Variants in STPG2 observed in about 807,000 individuals in gnomAD.
The protein encoded by STPG2 is sperm tail PG-rich repeat containing 2, also known as sperm-tail PG-rich repeat-containing protein 2.
In STPG2, 56 loss-of-function variants were observed where a neutral mutation model predicts 54.2. The observed-to-expected ratio is 1.03, with a 90% CI of 0.83 to 1.29. The LOEUF (loss-of-function observed/expected upper bound fraction) is 1.29, where lower values mean the gene tolerates loss of function less well. Ranked by LOEUF, STPG2 falls within the 50% of genes most tolerant of loss-of-function variation. The pLI is 0.00. For missense variants in STPG2, 596 were observed against 544.9 expected, an observed-to-expected ratio of 1.09 and a Z score of -0.93; for synonymous variants, 200 against 181.8, an observed-to-expected ratio of 1.10 and a Z score of -0.81.
chr4:97,992,238 G>C lies in STPG2; in HGVS notation c.613-10920C>G, dbSNP rs7658895. Among the ~76,000 whole-genome samples the C allele has an allele frequency of 1.3e-3, 199 of 152,222 alleles. 1 individual carries two copies. The highest frequency in any genetic ancestry group is 4.6e-3 in the African/African-American group (192 of 41,560). On this transcript the variant is annotated intron_variant, in intron 5 of 10. Transcript: ENST00000295268. ...AGAATTTTTAGGGTTTCAAGTATTAGATTTAAGTCTTTGATGAATCTTGAG... is the reference window on the plus strand; with the variant it reads ...AGAATTTTTAGGGTTTCAAGTATTACATTTAAGTCTTTGATGAATCTTGAG...
intron 8 of STPG2, among the ~76,000 whole-genome samples, chr4:97,908,695 A>G (rs1490638960): frequency 2.0e-5 from 3 of 151,904 alleles, no homozygotes; most frequent in Non-Finnish European, 4.4e-5. Context: ...ATAAAAAATG[A>G]TGAGTACATG....
chr4:97,486,860 A>AC (rs1730376987), intron 4 of STPG2, among the ~76,000 whole-genome samples: 6 of 125,620 alleles, frequency 4.8e-5, no homozygotes, highest in African/African-American at 1.8e-4. Flanking sequence ...TATGTATACA[A>AC]ACACACACAC....
intron 8 of STPG2, among the ~76,000 whole-genome samples, chr4:97,913,290 T>C (rs1338879314): frequency 6.6e-6 from 1 of 152,206 alleles, no homozygotes; most frequent in African/African-American, 2.4e-5. Context: ...AACCGGTATC[T>C]GCCTAATCCA....
chr4:98,115,959 C>T (rs62318906), intron 3 of STPG2, among the ~76,000 whole-genome samples: 59,743 of 151,436 alleles, frequency 0.39, 11,979 homozygotes, highest in Middle Eastern at 0.46. Context: ...TTAACTGATA[C>T]AGAAAACTAC....
intron 9 of STPG2, among the ~76,000 whole-genome samples, chr4:97,737,662 A>G (rs1725058066): frequency 6.6e-6 from 1 of 152,186 alleles, no homozygotes; most frequent in South Asian, 2.1e-4. Context: ...GCTTAGAGAA[A>G]AAAAAATAAA....
chr4:97,695,544 A>G (rs1723541453), intron 10 of STPG2, among the ~76,000 whole-genome samples: 1 of 152,196 alleles, frequency 6.6e-6, no homozygotes, highest in Non-Finnish European at 1.5e-5. Context: ...ATTGGTAAAG[A>G]GGAAGTCAAA....
intron 10 of STPG2, among the ~76,000 whole-genome samples, chr4:97,570,528 ACTCTAG>A (rs1328066612): frequency 6.6e-6 from 1 of 151,316 alleles, no homozygotes; most frequent in African/African-American, 2.4e-5. Context: ...ATCCTGGCCC[ACTCTAG>A]GTATTCTAGA....
chr4:97,491,898 A>C (rs2148827579), intron 4 of STPG2, among the ~76,000 whole-genome samples: 1 of 151,638 alleles, frequency 6.6e-6, no homozygotes, highest in East Asian at 2.0e-4. Context: ...TCAATGGGGC[A>C]ATGATAATGA....
intron 5 of STPG2, among the ~76,000 whole-genome samples, chr4:98,043,977 T>C (rs1019331707): frequency 2.0e-5 from 3 of 152,066 alleles, no homozygotes; most frequent in African/African-American, 7.2e-5. Context: ...TTTGTGTTCA[T>C]GAGTTCTCAT....
At chr4:97,562,516 T>A (rs1029300887) in intron 10 of STPG2, among the ~76,000 whole-genome samples, 7 of 152,204 alleles carry the variant, frequency 4.6e-5, no homozygotes, top group Non-Finnish European at 8.8e-5. Context: ...CCCTGTCTTG[T>A]GCCAGTTTTC....
At chr4:98,091,212 T>C (rs766547549) in intron 5 of STPG2, among the ~76,000 whole-genome samples, 1 of 152,074 alleles carries the variant, frequency 6.6e-6, no homozygotes, top group East Asian at 1.9e-4. Context: ...AGGCATTCAC[T>C]ATGTGAACCA....
chr4:97,527,049 T>C (rs1578363035), intron 4 of STPG2, among the ~76,000 whole-genome samples: 1 of 151,994 alleles, frequency 6.6e-6, no homozygotes, highest in African/African-American at 2.4e-5. Context: ...GTGCAGAACG[T>C]GCAGCTTTGT....
At chr4:98,071,612 T>A (rs1161346965) in intron 5 of STPG2, among the ~76,000 whole-genome samples, 1 of 152,100 alleles carries the variant, frequency 6.6e-6, no homozygotes, top group African/African-American at 2.4e-5. Context: ...GAAACTATCA[T>A]CAGAGTGAAT....
chr4:97,603,487 A>G (rs1733516911), intron 10 of STPG2, among the ~76,000 whole-genome samples: 1 of 151,674 alleles, frequency 6.6e-6, no homozygotes, highest in Admixed American at 6.6e-5. Flanking sequence ...AATTGAAAGC[A>G]GGGTCTCAAA....
intron 4 of STPG2, among the ~76,000 whole-genome samples, chr4:97,500,357 T>C (rs1446599024): frequency 6.6e-6 from 1 of 152,034 alleles, no homozygotes; most frequent in Non-Finnish European, 1.5e-5. Context: ...GGGAAGACTA[T>C]TAAAGAAGCA....
intron 9 of STPG2, among the ~76,000 whole-genome samples, chr4:97,818,077 T>A (rs540308576): frequency 6.6e-6 from 1 of 152,028 alleles, no homozygotes; most frequent in Non-Finnish European, 1.5e-5. Context: ...TGTTTGTACC[T>A]CTTAGGCCAA....
At chr4:97,577,259 G>A (rs1312816461) in intron 10 of STPG2, among the ~76,000 whole-genome samples, 1 of 152,108 alleles carries the variant, frequency 6.6e-6, no homozygotes, top group Non-Finnish European at 1.5e-5. Flanking sequence ...CAAAGGAAAA[G>A]AAATAATTCT....
At chr4:97,927,288 C>T (rs1410773956) in intron 8 of STPG2, among the ~76,000 whole-genome samples, 1 of 151,898 alleles carries the variant, frequency 6.6e-6, no homozygotes, top group Non-Finnish European at 1.5e-5. Context: ...AATTTCAAGT[C>T]ATTTGTTAAC....
intron 5 of STPG2, among the ~76,000 whole-genome samples, chr4:98,086,666 G>GAAAAAAAAAAA (rs35225418): frequency 1.1e-5 from 1 of 94,922 alleles, no homozygotes; most frequent in Non-Finnish European, 2.0e-5. Flanking sequence ...ATGCATGCCA[G>GAAAAAAAAAAA]AAAAAAAAAA....
Sources: allele counts gnomAD v4.1 joint callset (sites outside exome capture counted in the v4.1 genomes callset), GRCh38; gene constraint gnomAD v4.1.1; transcripts MANE v1.5; gene names NCBI Gene and HGNC (gene_info 2026-07-23, HGNC 2026-07-21).